The following NT5DC3 variants were observed in gnomAD, a reference collection of about 807,000 sequenced individuals.
NT5DC3 encodes the protein 5'-nucleotidase domain-containing protein 3.
In NT5DC3, 42 loss-of-function variants were observed where a neutral mutation model predicts 67.8. That is an observed-to-expected ratio of 0.62 (90% CI 0.48 to 0.80). The LOEUF (loss-of-function observed/expected upper bound fraction) is 0.80, where lower values mean the gene tolerates loss of function less well. NT5DC3 is among the 30% of genes least tolerant of loss of function. NT5DC3 has a pLI of 0.00. For missense variants in NT5DC3, 570 were observed against 696.4 expected (o/e 0.82, Z 2.04); for synonymous variants, 237 against 255.6 (o/e 0.93, Z 0.69).
chr12:103,768,143 G>GTT (rs1380403467), downstream of NT5DC3, among the ~76,000 whole-genome samples: 24 of 145,404 alleles, frequency 1.7e-4, no homozygotes, highest in African/African-American at 5.8e-4. Flanking sequence ...CCATTAAAAA[G>GTT]TTTGAAAATG....
chr12:103,761,781 T>C, the NT5DC3 span, among the ~76,000 whole-genome samples: 1 of 152,160 alleles, frequency 6.6e-6, no homozygotes, highest in Non-Finnish European at 1.5e-5. Flanking sequence ...AATGCCTCCC[T>C]CCTGGGTTTT....
intron 1 of NT5DC3, among the ~76,000 whole-genome samples, chr12:103,836,645 C>T (rs1888159379): frequency 6.6e-6 from 1 of 151,892 alleles, no homozygotes; most frequent in Admixed American, 6.6e-5. Flanking sequence ...GTAGAAAGTC[C>T]CTCAATTGGA....
At chr12:103,840,422 T>TCTCATCTCATCTCAG (rs1566137827) in intron 1 of NT5DC3, among the ~76,000 whole-genome samples, 1 of 125,478 alleles carries the variant, frequency 8.0e-6, no homozygotes, top group Non-Finnish European at 1.8e-5. Context: ...TCTCATCTCA[T>TCTCATCTCATCTCAG]TCCATCCCAT....
Position 103,802,129 on chromosome 12 carries a change from C to T in NT5DC3, c.525-3452G>A, listed in dbSNP as rs541197447. 3 of 152,744 alleles carry T rather than the reference C, an allele frequency of 2.0e-5. No individual in the cohort carries two copies. In the East Asian group the frequency reaches 5.8e-4, roughly 29 times the overall value. 9.5% of individuals were successfully genotyped at this position (152,744 alleles called of 1,614,324 possible). A position where few individuals can be genotyped will look rare whatever the true frequency, so the allele number is the denominator to read the frequency against. On this transcript the variant is annotated intron_variant, in intron 4 of 13. Transcript: ENST00000392876. ...GCAACAGTGAACTTCCCTACAGCCT[C>T]ATTCTGAACGCTCCTTCTCCCTGAA...
chr12:103,798,374 G>C (rs753392790), intron 5 of NT5DC3, among the ~76,000 whole-genome samples: 1 of 152,194 alleles, frequency 6.6e-6, no homozygotes, highest in Non-Finnish European at 1.5e-5. Context: ...AGGTATGTGG[G>C]AGGTGAAAAG....
At chr12:103,814,909 G>A in intron 2 of NT5DC3, 28 bp downstream of exon 2, 3 of 1,558,106 alleles carry the variant, frequency 1.9e-6, no homozygotes, top group South Asian at 2.4e-5. Context: ...AGGGGAGGGA[G>A]AAGCCTGAAA....
chr12:103,835,564 G>T (rs763379990), intron 1 of NT5DC3, among the ~76,000 whole-genome samples: 1 of 152,162 alleles, frequency 6.6e-6, no homozygotes, highest in Non-Finnish European at 1.5e-5. Flanking sequence ...AGGAGACCCA[G>T]ACTCTAGAGC....
At chr12:103,765,086 CAAAAAAA>C in the NT5DC3 span, among the ~76,000 whole-genome samples, 35 of 66,510 alleles carry the variant, frequency 5.3e-4, no homozygotes, top group East Asian at 1.5e-3. Flanking sequence ...GACTCTGTCT[CAAAAAAA>C]AAAAAAAAAA....
At chr12:103,766,734 C>T (rs974210405), downstream of NT5DC3, 5 of 170,878 alleles carry the variant, frequency 2.9e-5, no homozygotes, top group Non-Finnish European at 5.1e-5. Flanking sequence ...ACAGAACAAA[C>T]CTAGTGTTTT....
rs753398068 is a variant in NT5DC3, at chr12:103,772,486, C to T, written c.*5343G>A. ...TCCACGAGATAACTGGAAAAGTCTC[C>T]AAAGTCAGAGTTCAAACCTGCAGGA... is the stretch of plus-strand genomic sequence containing the variant. On this transcript the variant is annotated 3_prime_UTR_variant, in exon 14 of 14. Coordinates refer to ENST00000392876, the MANE Select transcript of NT5DC3 (RefSeq NM_001031701.3). 7 of 152,270 alleles carry T rather than the reference C, an allele frequency of 4.6e-5. No homozygotes were observed. The highest frequency in any genetic ancestry group is 1.0e-4 in the Non-Finnish European group (7 of 68,038). 9.4% of individuals were successfully genotyped at this position (152,270 alleles called of 1,614,324 possible). A position where few individuals can be genotyped will look rare whatever the true frequency, so the allele number is the denominator to read the frequency against.
At chr12:103,823,004 T>C (rs1887552506) in intron 1 of NT5DC3, among the ~76,000 whole-genome samples, 1 of 152,074 alleles carries the variant, frequency 6.6e-6, no homozygotes, top group African/African-American at 2.4e-5. Context: ...TCAGAGAAGG[T>C]GAGATACACT....
At chr12:103,822,288 T>G (rs1887522798) in intron 1 of NT5DC3, among the ~76,000 whole-genome samples, 1 of 151,446 alleles carries the variant, frequency 6.6e-6, no homozygotes, top group Non-Finnish European at 1.5e-5. Flanking sequence ...AAACAACAAT[T>G]TGGGGAAAGA....
At chr12:103,831,225 TG>T (rs1290514038) in intron 1 of NT5DC3, among the ~76,000 whole-genome samples, 1 of 152,216 alleles carries the variant, frequency 6.6e-6, no homozygotes, top group Non-Finnish European at 1.5e-5. Flanking sequence ...TCATGAGATC[TG>T]ATGCTTTTAT....
intron 11 of NT5DC3, among the ~76,000 whole-genome samples, chr12:103,786,180 C>T (rs1885763786): frequency 6.6e-6 from 1 of 151,904 alleles, no homozygotes; most frequent in African/African-American, 2.4e-5. Context: ...GTAAAATACA[C>T]AATGGCAGGT....
At chr12:103,797,314 T>C (rs1206461243) in intron 5 of NT5DC3, among the ~76,000 whole-genome samples, 1 of 151,736 alleles carries the variant, frequency 6.6e-6, no homozygotes, top group Non-Finnish European at 1.5e-5. Context: ...TACTAAAAAA[T>C]ACAAAAATTT....
the NT5DC3 span, among the ~76,000 whole-genome samples, chr12:103,764,008 T>G: frequency 4.0e-5 from 6 of 151,834 alleles, no homozygotes; most frequent in Non-Finnish European, 8.8e-5. Context: ...TTCTTTGAGA[T>G]GGAGTCTCAC....
intron 1 of NT5DC3, among the ~76,000 whole-genome samples, chr12:103,833,404 G>A (rs1281178925): frequency 6.6e-6 from 1 of 152,102 alleles, no homozygotes; most frequent in Non-Finnish European, 1.5e-5. Context: ...GCAGTTGCTT[G>A]AGGAACTTAT....
chr12:103,758,139 GCCC>G, the NT5DC3 span: 25 of 1,613,264 alleles, frequency 1.5e-5, no homozygotes, highest in African/African-American at 3.2e-4. Flanking sequence ...ACCAGGGCTG[GCCC>G]CTCTGATGAC....
At chr12:103,763,864 C>A in the NT5DC3 span, 7 of 344,122 alleles carry the variant, frequency 2.0e-5, no homozygotes, top group South Asian at 8.7e-5. Flanking sequence ...GTTATCCAAG[C>A]CCAATCTCAT....
Sources: gnomAD v4.1 joint callset for allele counts (sites outside exome capture counted in the v4.1 genomes callset) on GRCh38, gnomAD v4.1.1 for gene constraint, MANE v1.5 for transcripts, NCBI Gene and HGNC (gene_info 2026-07-23, HGNC 2026-07-21) for gene names.